The following LIMS4 variants were observed in gnomAD, a reference collection of about 807,000 sequenced individuals.
LIMS4 encodes LIM and senescent cell antigen-like-containing domain protein 4.
At chr2:110,371,319 T>G in the LIMS4 span, among the ~76,000 whole-genome samples, 1 of 119,790 alleles carries the variant, frequency 8.3e-6, no homozygotes, top group Non-Finnish European at 1.6e-5. Flanking sequence ...GTAAAATAAA[T>G]TTACATCTAT....
chr2:110,395,699 C>G, the LIMS4 span, among the ~76,000 whole-genome samples: 2 of 62,508 alleles, frequency 3.2e-5, no homozygotes, highest in East Asian at 4.3e-4. Flanking sequence ...AGAGTGGCTA[C>G]AGCGCGGTCC....
At chr2:110,360,664 A>G in the LIMS4 span, 3 of 1,559,312 alleles carry the variant, frequency 1.9e-6, no homozygotes, top group Non-Finnish European at 2.6e-6. Flanking sequence ...ATGTGTCTGC[A>G]TGTGAGTTTT....
the LIMS4 span, among the ~76,000 whole-genome samples, chr2:110,418,648 T>A: frequency 9.9e-6 from 1 of 100,522 alleles, no homozygotes; most frequent in Non-Finnish European, 1.9e-5. Flanking sequence ...TTCCTTTCCT[T>A]TCTTTTTTTT....
chr2:110,425,320 C>T, the LIMS4 span, among the ~76,000 whole-genome samples: 1 of 142,064 alleles, frequency 7.0e-6, no homozygotes, highest in East Asian at 2.0e-4. Flanking sequence ...GTTGAGGCTG[C>T]AGTGAGTGGT....
At chr2:110,391,143 G>A in the LIMS4 span, among the ~76,000 whole-genome samples, 1 of 151,268 alleles carries the variant, frequency 6.6e-6, no homozygotes, top group Non-Finnish European at 1.5e-5. Context: ...GGAGCTGGGG[G>A]GAGAGCAGGG....
At chr2:110,424,542 A>C in the LIMS4 span, among the ~76,000 whole-genome samples, 1 of 144,312 alleles carries the variant, frequency 6.9e-6, no homozygotes, top group East Asian at 2.0e-4. Context: ...GTACCAACCA[A>C]CTTCACTGAC....
chr2:110,366,953 ACAC>A, the LIMS4 span, among the ~76,000 whole-genome samples: 1 of 141,200 alleles, frequency 7.1e-6, no homozygotes, highest in African/African-American at 2.7e-5. Flanking sequence ...AGACACACAC[ACAC>A]ACACACACAC....
the LIMS4 span, among the ~76,000 whole-genome samples, chr2:110,407,561 T>C: frequency 8.0e-6 from 1 of 124,256 alleles, no homozygotes; most frequent in African/African-American, 3.0e-5. Context: ...CTCATTTGTC[T>C]GATCTTAATC....
chr2:110,386,964 CT>C, the LIMS4 span: 21 of 657,228 alleles, frequency 3.2e-5, no homozygotes, highest in Middle Eastern at 8.5e-4. Context: ...AGGGACCCCC[CT>C]GAGCTCCTCA....
the LIMS4 span, among the ~76,000 whole-genome samples, chr2:110,366,944 GACACAC>G: frequency 0.035 from 4,347 of 123,024 alleles, 32 homozygotes; most frequent in African/African-American, 0.078. Flanking sequence ...ATTCACAATA[GACACAC>G]ACACACACAC....
the LIMS4 span, among the ~76,000 whole-genome samples, chr2:110,366,982 C>A: frequency 1.4e-5 from 2 of 147,406 alleles, no homozygotes; most frequent in African/African-American, 2.5e-5. Context: ...CACACACACA[C>A]AAATACCAAG....
chr2:110,375,304 A>G, the LIMS4 span: 1 of 124,934 alleles, frequency 8.0e-6, no homozygotes, highest in South Asian at 2.8e-4. Context: ...CCATCTCATC[A>G]CAGATCCAGA....
At chr2:110,425,632 A>C in the LIMS4 span, among the ~76,000 whole-genome samples, 1 of 142,690 alleles carries the variant, frequency 7.0e-6, no homozygotes, top group East Asian at 2.0e-4. Context: ...AAAGAGCAAG[A>C]CAGGGGAGAG....
the LIMS4 span, chr2:110,362,649 A>T: frequency 1.7e-6 from 1 of 594,152 alleles, no homozygotes; most frequent in African/African-American, 1.9e-5. Flanking sequence ...AAGCACTTGT[A>T]CCAAGGCATC....
At chr2:110,387,517 C>T in the LIMS4 span, 1 of 320,216 alleles carries the variant, frequency 3.1e-6, no homozygotes, top group Non-Finnish European at 5.7e-6. Flanking sequence ...CTAACTCATC[C>T]ACTTTATTTT....
the LIMS4 span, among the ~76,000 whole-genome samples, chr2:110,372,190 G>C: frequency 7.0e-6 from 1 of 142,802 alleles, no homozygotes; most frequent in Non-Finnish European, 1.5e-5. Flanking sequence ...GGAATTCTGA[G>C]GTCAGGGGAC....
At chr2:110,366,304 C>T in the LIMS4 span, among the ~76,000 whole-genome samples, 1 of 152,148 alleles carries the variant, frequency 6.6e-6, no homozygotes, top group Non-Finnish European at 1.5e-5. Flanking sequence ...AAAATACTAG[C>T]AAACTGAATC....
At chr2:110,385,159 C>CAATA in the LIMS4 span, among the ~76,000 whole-genome samples, 3 of 149,126 alleles carry the variant, frequency 2.0e-5, no homozygotes, top group Admixed American at 6.6e-5. Flanking sequence ...GGTGCCTAAA[C>CAATA]AATAAATAAA....
the LIMS4 span, among the ~76,000 whole-genome samples, chr2:110,368,746 G>C: frequency 5.2e-4 from 59 of 112,830 alleles, no homozygotes; most frequent in Admixed American, 6.9e-4. Context: ...GGCTGTTTCC[G>C]TGCACTTCTT....
Sources: allele counts gnomAD v4.1 joint callset (sites outside exome capture counted in the v4.1 genomes callset), GRCh38; gene constraint gnomAD v4.1.1; transcripts MANE v1.5; gene names NCBI Gene and HGNC (gene_info 2026-07-23, HGNC 2026-07-21).